PTPRR: variants seen among roughly 807,000 people sequenced by gnomAD.
The protein encoded by PTPRR is receptor-type tyrosine-protein phosphatase R.
In PTPRR, 38 loss-of-function variants were observed where a neutral mutation model predicts 77.2. The ratio of observed to expected loss-of-function variants is 0.49; its 90% CI spans 0.38 to 0.65. PTPRR has a LOEUF of 0.65. PTPRR is among the 30% of genes least tolerant of loss of function. The pLI, the probability that PTPRR is intolerant of heterozygous loss-of-function variation, is 0.00. For missense variants in PTPRR, 744 were observed against 799.2 expected (o/e 0.93, Z 0.83); for synonymous variants, 299 against 283.1 (o/e 1.06, Z -0.57).
chr12:70,845,510 C>A (rs557377621), intron 2 of PTPRR, among the ~76,000 whole-genome samples: 6 of 152,180 alleles, frequency 3.9e-5, no homozygotes, highest in East Asian at 1.9e-4. Flanking sequence ...TTTTTTATAT[C>A]CCTTTAGGAT....
chr12:70,823,913 G>A (rs1415596429), intron 2 of PTPRR, among the ~76,000 whole-genome samples: 3 of 152,194 alleles, frequency 2.0e-5, no homozygotes, highest in African/African-American at 7.2e-5. Context: ...GGGCCATAGT[G>A]GTGGGTAGTG....
At chr12:70,914,199 C>G (rs1893741482) in intron 1 of PTPRR, among the ~76,000 whole-genome samples, 1 of 151,950 alleles carries the variant, frequency 6.6e-6, no homozygotes, top group Non-Finnish European at 1.5e-5. Flanking sequence ...CATGGCAAAC[C>G]AAAGGAAATT....
chr12:70,638,207 T>G lies in PTPRR; in HGVS notation c.*977A>C, dbSNP rs558295768. 6.6e-6 allele frequency: 1 copy of G among 152,562 alleles called. No homozygotes were observed. Among genetic ancestry groups the G allele is most frequent in the Non-Finnish European group, 1.5e-5 (1 of 68,018 alleles). 9.5% of individuals were successfully genotyped at this position (152,562 alleles called of 1,614,324 possible). A position where few individuals can be genotyped will look rare whatever the true frequency, so the allele number is the denominator to read the frequency against. ...TTAATTTTTTTTGTCTCTTGAAGAT[T>G]GAAAGCTTTCAGAAATGTAAGGACA... is the stretch of plus-strand genomic sequence containing the variant. On this transcript the variant is annotated 3_prime_UTR_variant, in exon 14 of 14. Coordinates refer to ENST00000283228, the MANE Select transcript of PTPRR (RefSeq NM_002849.4).
intron 2 of PTPRR, among the ~76,000 whole-genome samples, chr12:70,766,833 A>T (rs900584220): frequency 2.0e-5 from 3 of 152,218 alleles, no homozygotes; most frequent in Non-Finnish European, 2.9e-5. Flanking sequence ...AAACTCTACA[A>T]GCCAGAAGAG....
At chr12:70,880,942 C>T (rs1893139785) in intron 2 of PTPRR, among the ~76,000 whole-genome samples, 1 of 152,176 alleles carries the variant, frequency 6.6e-6, no homozygotes, top group South Asian at 2.1e-4. Context: ...TTATACTTAA[C>T]ATATAGATGA....
At chr12:70,896,432 C>CT (rs149518276) in intron 1 of PTPRR, among the ~76,000 whole-genome samples, 4,436 of 151,662 alleles carry the variant, frequency 0.029, 109 homozygotes, top group Non-Finnish European at 0.047. Context: ...AATACACAAT[C>CT]TTTTCACGTT....
intron 8 of PTPRR, among the ~76,000 whole-genome samples, chr12:70,693,526 T>C (rs117953060): frequency 2.3e-3 from 350 of 152,118 alleles, no homozygotes; most frequent in Admixed American, 3.8e-3. Flanking sequence ...ATTAAACTTT[T>C]TTTGTGTGTG....
At chr12:70,776,307 TTATCTA>T (rs1251942426) in intron 2 of PTPRR, among the ~76,000 whole-genome samples, 4 of 152,214 alleles carry the variant, frequency 2.6e-5, no homozygotes, top group African/African-American at 7.2e-5. Context: ...CATATTTTCT[TTATCTA>T]TATTTCCATC....
intron 2 of PTPRR, among the ~76,000 whole-genome samples, chr12:70,877,431 A>C (rs1474664051): frequency 6.6e-6 from 1 of 152,154 alleles, no homozygotes; most frequent in Non-Finnish European, 1.5e-5. Flanking sequence ...TGCTTTACAG[A>C]ACACATTTAC....
chr12:70,841,468 TG>T (rs1296177936), intron 2 of PTPRR, among the ~76,000 whole-genome samples: 1 of 152,130 alleles, frequency 6.6e-6, no homozygotes, highest in African/African-American at 2.4e-5. Flanking sequence ...CAGAAATGAA[TG>T]GTTACTATTT....
chr12:70,787,697 T>C (rs540082267), intron 2 of PTPRR, among the ~76,000 whole-genome samples: 1 of 152,280 alleles, frequency 6.6e-6, no homozygotes, highest in South Asian at 2.1e-4. Flanking sequence ...CTTAAAAAAA[T>C]AACATCAAAT....
intron 1 of PTPRR, among the ~76,000 whole-genome samples, chr12:70,909,496 C>G (rs111574070): frequency 0.013 from 1,945 of 152,126 alleles, 48 homozygotes; most frequent in African/African-American, 0.045. Context: ...TTTCATCAAA[C>G]TTTACAAAAA....
At position 70,903,093 on chromosome 12, in the gene PTPRR, G is replaced by A. The variant is rs147695541; in HGVS notation, c.59-10116C>T. ...GAGAGTAGAAAGATGGTTATCAAAG[G>A]CTGGGACAGGGAATGGGGAAGGAAT... On this transcript the variant is annotated intron_variant, in intron 1 of 13. Coordinates refer to ENST00000283228, the MANE Select transcript of PTPRR (RefSeq NM_002849.4). Among the ~76,000 whole-genome samples, 18 of 151,838 alleles carry A rather than the reference G, an allele frequency of 1.2e-4. No homozygotes were observed. The East Asian group carries it at 3.5e-3, about 29-fold the overall frequency.
Position 70,857,356 on chromosome 12 carries a change from T to C in PTPRR, c.357+35323A>G, listed in dbSNP as rs552777336. Among the ~76,000 whole-genome samples, 26 of 152,222 alleles carry C rather than the reference T, an allele frequency of 1.7e-4. 2 individuals carry two copies. In the South Asian group the frequency reaches 5.4e-3, roughly 32 times the overall value. Reference sequence around the variant, plus strand: ...GCTACACAAGAAGCGAACATTTAACTGTCAATTAGGTCATGGGGACCATTA... The same window carrying C: ...GCTACACAAGAAGCGAACATTTAACCGTCAATTAGGTCATGGGGACCATTA... On this transcript the variant is annotated intron_variant, in intron 2 of 13. Coordinates refer to ENST00000283228, the MANE Select transcript of PTPRR (RefSeq NM_002849.4).
chr12:70,734,321 A>T (rs981936696), intron 6 of PTPRR, among the ~76,000 whole-genome samples: 2 of 152,228 alleles, frequency 1.3e-5, no homozygotes, highest in Admixed American at 1.3e-4. Flanking sequence ...TTGTACCACG[A>T]CCACCTCTTC....
chr12:70,827,536 CTT>C (rs1892132973), intron 2 of PTPRR, among the ~76,000 whole-genome samples: 1 of 139,258 alleles, frequency 7.2e-6, no homozygotes. Flanking sequence ...TTTTTTCTTT[CTT>C]TCTTTCTTTC....
At chr12:70,653,141 G>C (rs1416065026) in intron 13 of PTPRR, among the ~76,000 whole-genome samples, 1 of 152,114 alleles carries the variant, frequency 6.6e-6, no homozygotes, top group Non-Finnish European at 1.5e-5. Context: ...GGTGATTTGG[G>C]GTCTCAGGTG....
At chr12:70,834,781 G>A (rs1411427618) in intron 2 of PTPRR, among the ~76,000 whole-genome samples, 2 of 152,034 alleles carry the variant, frequency 1.3e-5, no homozygotes, top group East Asian at 3.9e-4. Context: ...TGTTATTCTA[G>A]GAGGCAGTAT....
At chr12:70,687,876 T>C (rs1887926164) in intron 8 of PTPRR, among the ~76,000 whole-genome samples, 1 of 152,174 alleles carries the variant, frequency 6.6e-6, no homozygotes, top group Non-Finnish European at 1.5e-5. Flanking sequence ...CTACCCTCTT[T>C]AAAGCATTCT....
Sources: allele counts gnomAD v4.1 joint callset (sites outside exome capture counted in the v4.1 genomes callset), GRCh38; gene constraint gnomAD v4.1.1; transcripts MANE v1.5; gene names NCBI Gene and HGNC (gene_info 2026-07-23, HGNC 2026-07-21).